FARP1: variants seen among roughly 807,000 people sequenced by gnomAD.
The protein encoded by FARP1 is FERM, ARH/RhoGEF and pleckstrin domain protein 1.
Under a neutral mutation model 128.8 loss-of-function variants are expected in FARP1, and 52 were observed. That is an observed-to-expected ratio of 0.40 (90% CI 0.32 to 0.51). The LOEUF is 0.51. Among genes scored for constraint, FARP1 ranks in the 20% least tolerant of loss-of-function variants. The pLI is 0.45. For missense variants in FARP1, 1,333 were observed against 1,367.9 expected (o/e 0.97, Z 0.40); for synonymous variants, 580 against 551.8 (o/e 1.05, Z -0.72).
In FARP1 at chr13:98,278,105, G is replaced by C. The variant is rs117269479; in HGVS notation, c.171+64692G>C. Among the ~76,000 whole-genome samples, 49 of 152,274 alleles carry C rather than the reference G, an allele frequency of 3.2e-4. No homozygotes were observed. The East Asian group carries it at 8.1e-3, about 25-fold the overall frequency. On this transcript the variant is annotated intron_variant, in intron 2 of 26. Transcript: ENST00000319562. The stretch of plus-strand genomic sequence containing the variant: ...GAAGTATTACTGTGACTATTCAAAA[G>C]AGCTGTGTTTTCTTCTACCGGTCCA...
At chr13:98,191,100 G>A (rs562605302) in intron 1 of FARP1, among the ~76,000 whole-genome samples, 19 of 152,260 alleles carry the variant, frequency 1.2e-4, no homozygotes, top group Admixed American at 5.2e-4. Context: ...ACTGCTGGAG[G>A]CATTAAGGGA....
chr13:98,432,883 C>CGCTGG (rs1369940962), intron 18 of FARP1: 1 of 63,782 alleles, frequency 1.6e-5, no homozygotes, highest in African/African-American at 5.9e-5. Context: ...GGTACCTGGG[C>CGCTGG]AGTGGCAACC....
intron 2 of FARP1, among the ~76,000 whole-genome samples, chr13:98,266,007 A>G (rs1884095996): frequency 6.6e-6 from 1 of 152,174 alleles, no homozygotes; most frequent in Non-Finnish European, 1.5e-5. Context: ...TGTGACAGTA[A>G]CAATAGGCTA....
rs747890276 is a variant in FARP1, at chr13:98,440,813, G to A, written c.2773G>A (p.Val925Met). 6.8e-6 allele frequency: 11 copies of A among 1,610,540 alleles called. No individual in the cohort carries two copies. The South Asian group carries it at 1.2e-4, about 18-fold the overall frequency. Reference protein sequence around the residue: ...CWHRNTSVSMVDFSIAVENQL... With the variant: ...CWHRNTSVSMMDFSIAVENQL... ...GCACCGCAACACCAGCGTCTCCATG[G>A]TGGACTTCAGCATCGCAGTGGAGGT... The change falls in exon 24 of 27, where the codon GTG (valine) becomes ATG (methionine). Residue 925 changes from valine to methionine, a missense_variant. Val to Met is a conservative substitution (Grantham distance 21, BLOSUM62 1). Transcript: ENST00000319562.
At chr13:98,282,694 A>G (rs910216577) in intron 2 of FARP1, among the ~76,000 whole-genome samples, 2 of 152,128 alleles carry the variant, frequency 1.3e-5, no homozygotes, top group South Asian at 2.1e-4. Flanking sequence ...CACAAAGTCA[A>G]AAGATCGAGA....
intron 2 of FARP1, among the ~76,000 whole-genome samples, chr13:98,330,332 T>G (rs987573446): frequency 6.6e-6 from 1 of 152,178 alleles, no homozygotes; most frequent in Non-Finnish European, 1.5e-5. Context: ...CATGTCTGAT[T>G]TAAAGTAGAA....
At chr13:98,211,238 C>T (rs530316973) in intron 1 of FARP1, among the ~76,000 whole-genome samples, 51 of 152,338 alleles carry the variant, frequency 3.3e-4, no homozygotes, top group African/African-American at 9.1e-4. Context: ...GGAACTGGGC[C>T]GCACAGCAGG....
At chr13:98,433,824 T>A (rs1892142244) in intron 18 of FARP1, 1 of 152,472 alleles carries the variant, frequency 6.6e-6, no homozygotes, top group Non-Finnish European at 1.5e-5. Flanking sequence ...TCTCTCGTCC[T>A]TTAAGCCTCA....
chr13:98,155,983 C>T (rs1002628231), intron 1 of FARP1, among the ~76,000 whole-genome samples: 1 of 152,162 alleles, frequency 6.6e-6, no homozygotes, highest in Non-Finnish European at 1.5e-5. Context: ...GCCACAGGAC[C>T]CTGAGGTAGC....
Position 98,314,874 on chromosome 13 carries a change from G to A in FARP1, c.172-28888G>A, listed in dbSNP as rs142126050. Reference sequence around the variant, plus strand: ...GACCGATTGTCCTTATTGTATGTATGTATTGTTGGGAGGAGCTTTGTGTTT... The same window carrying A: ...GACCGATTGTCCTTATTGTATGTATATATTGTTGGGAGGAGCTTTGTGTTT... On this transcript the variant is annotated intron_variant, in intron 2 of 26. Transcript: ENST00000319562. Among the ~76,000 whole-genome samples, 577 of 152,326 alleles carry A rather than the reference G, an allele frequency of 3.8e-3. 5 individuals are homozygous for A. Among genetic ancestry groups the A allele is most frequent in the African/African-American group, 0.013 (528 of 41,564 alleles).
intron 2 of FARP1, among the ~76,000 whole-genome samples, chr13:98,260,813 T>G (rs1883843104): frequency 6.6e-6 from 1 of 152,100 alleles, no homozygotes; most frequent in African/African-American, 2.4e-5. Flanking sequence ...TCTCGTCAGG[T>G]TTTCCAGAGC....
chr13:98,372,038 AAAC>A (rs200361051), intron 5 of FARP1, among the ~76,000 whole-genome samples: 3,483 of 151,872 alleles, frequency 0.023, 140 homozygotes, highest in African/African-American at 0.08. Context: ...TGCAGCCTCA[AAAC>A]AACGAGTGAG....
chr13:98,356,783 C>T (rs1307953939), intron 3 of FARP1, among the ~76,000 whole-genome samples: 8 of 151,796 alleles, frequency 5.3e-5, no homozygotes, highest in East Asian at 1.9e-4. Flanking sequence ...TATAGGTGCC[C>T]GCCACCACGC....
chr13:98,240,709 G>A (rs913612097), intron 2 of FARP1, among the ~76,000 whole-genome samples: 2 of 152,244 alleles, frequency 1.3e-5, no homozygotes, highest in Admixed American at 1.3e-4. Flanking sequence ...GAGAATTTCA[G>A]TGATTTCAAC....
intron 19 of FARP1, among the ~76,000 whole-genome samples, chr13:98,437,270 A>G (rs1347032376): frequency 6.6e-6 from 1 of 152,146 alleles, no homozygotes; most frequent in East Asian, 1.9e-4. Context: ...TTTGCCCCTC[A>G]GTCTCCTTAT....
intron 3 of FARP1, among the ~76,000 whole-genome samples, chr13:98,349,714 C>G (rs1464874804): frequency 2.2e-5 from 3 of 137,516 alleles, no homozygotes; most frequent in South Asian, 5.0e-4. Context: ...ACAATGCTTA[C>G]TGGCCTGATA....
intron 8 of FARP1, among the ~76,000 whole-genome samples, chr13:98,386,696 C>T (rs1384927129): frequency 6.6e-6 from 1 of 152,178 alleles, no homozygotes; most frequent in African/African-American, 2.4e-5. Flanking sequence ...ACCCGCCTTT[C>T]TCATGAAATA....
intron 19 of FARP1, chr13:98,436,015 C>T: frequency 3.0e-6 from 1 of 338,020 alleles, no homozygotes; most frequent in Non-Finnish European, 6.0e-6. Flanking sequence ...TTTAAATGTA[C>T]ATAAATGAAA....
chr13:98,437,001 A>G (rs1892295994), intron 19 of FARP1, among the ~76,000 whole-genome samples: 4 of 152,218 alleles, frequency 2.6e-5, no homozygotes, highest in Admixed American at 2.0e-4. Flanking sequence ...TCGCTCTACC[A>G]GTGCCGGGGT....
Sources: allele counts gnomAD v4.1 joint callset (sites outside exome capture counted in the v4.1 genomes callset), GRCh38; gene constraint gnomAD v4.1.1; transcripts MANE v1.5; gene names NCBI Gene and HGNC (gene_info 2026-07-23, HGNC 2026-07-21).